STPG2: variants seen among roughly 807,000 people sequenced by gnomAD.
STPG2 encodes sperm-tail PG-rich repeat-containing protein 2.
Under a neutral mutation model 54.2 loss-of-function variants are expected in STPG2, and 56 were observed. The ratio of observed to expected loss-of-function variants is 1.03; its 90% CI spans 0.83 to 1.29. The LOEUF (loss-of-function observed/expected upper bound fraction) is 1.29. Among genes scored for constraint, STPG2 ranks in the 50% most tolerant of loss-of-function variants. The pLI, the probability that STPG2 is intolerant of heterozygous loss-of-function variation, is 0.00. For synonymous variants in STPG2, 200 were observed against 181.8 expected (o/e 1.10, Z -0.81); for missense variants, 596 against 544.9 (o/e 1.09, Z -0.93).
intron 9 of STPG2, among the ~76,000 whole-genome samples, chr4:97,816,943 T>C (rs904245029): frequency 2.0e-5 from 3 of 147,766 alleles, no homozygotes; most frequent in Admixed American, 1.4e-4. Flanking sequence ...TTTATACACA[T>C]GTGTGTAGAA....
intron 8 of STPG2, among the ~76,000 whole-genome samples, chr4:97,901,264 C>T (rs1731166268): frequency 6.6e-6 from 1 of 151,812 alleles, no homozygotes; most frequent in African/African-American, 2.4e-5. Context: ...AAAGCTTTTC[C>T]TTTAAGATCA....
intron 5 of STPG2, among the ~76,000 whole-genome samples, chr4:98,005,306 C>A (rs1279358764): frequency 6.6e-6 from 1 of 152,152 alleles, no homozygotes; most frequent in East Asian, 1.9e-4. Flanking sequence ...TGGCAACACC[C>A]TCACAGACAC....
intron 10 of STPG2, among the ~76,000 whole-genome samples, chr4:97,652,840 G>A (rs183523593): frequency 6.6e-5 from 10 of 152,126 alleles, no homozygotes; most frequent in Non-Finnish European, 1.2e-4. Context: ...CAACAACTCA[G>A]TTTACTAATG....
intron 9 of STPG2, among the ~76,000 whole-genome samples, chr4:97,838,532 A>G (rs1042551226): frequency 7.3e-5 from 11 of 151,294 alleles, no homozygotes; most frequent in Admixed American, 5.9e-4. Context: ...ATTGATCAAA[A>G]AAAACGTAAA....
At chr4:97,911,105 C>G (rs540223892) in intron 8 of STPG2, among the ~76,000 whole-genome samples, 4 of 152,192 alleles carry the variant, frequency 2.6e-5, no homozygotes, top group Non-Finnish European at 5.9e-5. Flanking sequence ...ATTGTGCGAC[C>G]CTGCCTGGGA....
chr4:97,706,304 T>C (rs1262673296), intron 10 of STPG2, among the ~76,000 whole-genome samples: 1 of 152,180 alleles, frequency 6.6e-6, no homozygotes, highest in African/African-American at 2.4e-5. Flanking sequence ...CTCTACTTAC[T>C]GTCAATCCAT....
intron 10 of STPG2, among the ~76,000 whole-genome samples, chr4:97,667,128 C>T (rs1190363987): frequency 6.6e-6 from 1 of 152,114 alleles, no homozygotes; most frequent in African/African-American, 2.4e-5. Flanking sequence ...ATAAATATCC[C>T]CAAACTACTG....
chr4:97,902,627 T>A (rs1274666280), intron 8 of STPG2, among the ~76,000 whole-genome samples: 1 of 152,074 alleles, frequency 6.6e-6, no homozygotes, highest in Non-Finnish European at 1.5e-5. Flanking sequence ...AGGATTATCA[T>A]CAAAAAACTC....
intron 8 of STPG2, among the ~76,000 whole-genome samples, chr4:97,876,450 G>A (rs1299042539): frequency 6.6e-6 from 1 of 151,964 alleles, no homozygotes; most frequent in Non-Finnish European, 1.5e-5. Flanking sequence ...TATAGAATTG[G>A]ATGTGGGACC....
At chr4:97,455,123 C>T (rs1340776452) in intron 4 of STPG2, among the ~76,000 whole-genome samples, 1 of 152,014 alleles carries the variant, frequency 6.6e-6, no homozygotes, top group Non-Finnish European at 1.5e-5. Context: ...GATCACAGAC[C>T]TCAGTGTAAA....
chr4:97,490,212 TCCC>T lies in STPG2; in HGVS notation c.462+222484_462+222486del, dbSNP rs1040512057. On this transcript the variant is annotated intron_variant, in intron 4 of 4. Transcript: ENST00000522676. ...GTGTTGATGTTGATATTCCCACCCC[TCCC>T]CCCATTTATTCTAATTTATGACAGG... is the stretch of plus-strand genomic sequence containing the variant. 2.0e-5 allele frequency: 3 copies of T among 150,450 alleles called. No homozygotes were observed. The Admixed American group carries it at 2.0e-4, about 10-fold the overall frequency. 9.3% of individuals were successfully genotyped at this position (150,450 alleles called of 1,614,324 possible). A position where few individuals can be genotyped will look rare whatever the true frequency, so the allele number is the denominator to read the frequency against.
intron 4 of STPG2, among the ~76,000 whole-genome samples, chr4:97,542,796 A>T (rs1731746939): frequency 6.6e-6 from 1 of 152,198 alleles, no homozygotes; most frequent in African/African-American, 2.4e-5. Context: ...AGCCATAAAA[A>T]ATGATGAGTT....
intron 4 of STPG2, among the ~76,000 whole-genome samples, chr4:97,543,486 A>G (rs1163935995): frequency 1.3e-5 from 2 of 152,020 alleles, no homozygotes; most frequent in Non-Finnish European, 2.9e-5. Flanking sequence ...TGCTAAGCTT[A>G]AAGAAACTTA....
At chr4:98,047,473 T>C (rs1392116737) in intron 5 of STPG2, among the ~76,000 whole-genome samples, 1 of 152,148 alleles carries the variant, frequency 6.6e-6, no homozygotes, top group African/African-American at 2.4e-5. Context: ...AACGGGGATC[T>C]AGGAGTTTCT....
At chr4:97,961,972 C>G (rs1485791073) in intron 7 of STPG2, among the ~76,000 whole-genome samples, 5 of 152,078 alleles carry the variant, frequency 3.3e-5, no homozygotes. Flanking sequence ...GCCCATCAAT[C>G]AATGAGTGGA....
At chr4:97,514,156 T>C (rs1410863425) in intron 4 of STPG2, among the ~76,000 whole-genome samples, 1 of 152,054 alleles carries the variant, frequency 6.6e-6, no homozygotes, top group Non-Finnish European at 1.5e-5. Flanking sequence ...GGCCTGGCCA[T>C]GAGGAAAGAG....
At chr4:97,874,192 T>A (rs1272840521) in intron 8 of STPG2, among the ~76,000 whole-genome samples, 2 of 151,688 alleles carry the variant, frequency 1.3e-5, no homozygotes, top group African/African-American at 2.4e-5. Flanking sequence ...ATTAGTTATT[T>A]AAAACTCCAC....
At chr4:97,933,342 TG>T (rs1200382354) in intron 8 of STPG2, among the ~76,000 whole-genome samples, 4 of 152,204 alleles carry the variant, frequency 2.6e-5, no homozygotes, top group Admixed American at 6.5e-5. Context: ...AAATTTCTTT[TG>T]GTGTGCAGAA....
chr4:98,007,203 AC>A (rs921901102), intron 5 of STPG2, among the ~76,000 whole-genome samples: 2 of 152,214 alleles, frequency 1.3e-5, no homozygotes, highest in African/African-American at 4.8e-5. Context: ...GCCAGATCTT[AC>A]CTGCAAGTGT....
Sources: allele counts gnomAD v4.1 joint callset (sites outside exome capture counted in the v4.1 genomes callset), GRCh38; gene constraint gnomAD v4.1.1; transcripts MANE v1.5; gene names NCBI Gene and HGNC (gene_info 2026-07-23, HGNC 2026-07-21).